Variants in NREP observed in about 807,000 individuals in gnomAD.
The protein encoded by NREP is neuronal regeneration-related protein.
A neutral mutation model predicts 8.6 loss-of-function variants in NREP; 5 were observed. The observed-to-expected ratio is 0.58, with a 90% confidence interval of 0.30 to 1.22. The LOEUF (loss-of-function observed/expected upper bound fraction) is 1.22. Ranked by LOEUF, NREP falls within the 50% of genes most tolerant of loss-of-function variation. The probability of loss-of-function intolerance (pLI) is 0.07; values close to 1 mark genes in which losing one functional copy is unlikely to be tolerated. For synonymous variants in NREP, 27 were observed against 28.0 expected, an observed-to-expected ratio of 0.96 and a Z score of 0.11; for missense variants, 86 against 82.5, an observed-to-expected ratio of 1.04 and a Z score of -0.17.
At chr5:111,766,495 G>C (rs372649314) in intron 2 of NREP, among the ~76,000 whole-genome samples, 394 of 152,276 alleles carry the variant, frequency 2.6e-3, no homozygotes, top group African/African-American at 8.9e-3. Context: ...AAAATCTTAT[G>C]GTTAGAGAAC....
chr5:111,896,309 G>A (rs1428797440), intron 2 of NREP, among the ~76,000 whole-genome samples: 1 of 152,172 alleles, frequency 6.6e-6, no homozygotes, highest in Non-Finnish European at 1.5e-5. Flanking sequence ...TTTAACAATT[G>A]AGTGGATAGT....
intron 2 of NREP, among the ~76,000 whole-genome samples, chr5:111,964,873 A>AT (rs1430735595): frequency 1.2e-4 from 12 of 104,038 alleles, no homozygotes; most frequent in African/African-American, 1.5e-4. Flanking sequence ...AAAAAAAAAA[A>AT]AAAAAAAAAA....
intron 2 of NREP, chr5:111,940,235 A>C (rs1755793876): frequency 6.6e-6 from 1 of 152,100 alleles, no homozygotes; most frequent in African/African-American, 2.4e-5. Context: ...AATATACCTT[A>C]CCTGAAAAAA....
chr5:111,753,806 A>G (rs1380264916), intron 2 of NREP, among the ~76,000 whole-genome samples: 3 of 152,128 alleles, frequency 2.0e-5, no homozygotes, highest in East Asian at 1.9e-4. Context: ...AGTAATTCCA[A>G]TTTTAATCAA....
upstream of NREP, chr5:111,757,540 G>A (rs966019020): frequency 9.1e-6 from 9 of 984,766 alleles, no homozygotes; most frequent in Non-Finnish European, 8.4e-6. Context: ...CTGTGCAGCC[G>A]CCTAGGAGCC....
intron 2 of NREP, among the ~76,000 whole-genome samples, chr5:111,814,515 A>G (rs1752341849): frequency 6.6e-6 from 1 of 152,072 alleles, no homozygotes; most frequent in Non-Finnish European, 1.5e-5. Flanking sequence ...CCCTCTTTTG[A>G]GAAACAGTAG....
intron 2 of NREP, among the ~76,000 whole-genome samples, chr5:111,952,393 T>C (rs1756186412): frequency 6.6e-6 from 1 of 152,176 alleles, no homozygotes; most frequent in Non-Finnish European, 1.5e-5. Context: ...TTCATCATGC[T>C]CTTTGATGGA....
intron 2 of NREP, among the ~76,000 whole-genome samples, chr5:111,964,852 C>A (rs147558247): frequency 2.1e-5 from 1 of 46,640 alleles, no homozygotes; most frequent in African/African-American, 1.0e-4. Context: ...ATGCTTTCAG[C>A]AGCAAAAAAA....
intron 2 of NREP, among the ~76,000 whole-genome samples, chr5:111,973,122 G>A (rs957870813): frequency 2.0e-5 from 3 of 152,136 alleles, no homozygotes; most frequent in Non-Finnish European, 4.4e-5. Flanking sequence ...GAGCACAACA[G>A]GAAGAGGGAC....
intron 2 of NREP, among the ~76,000 whole-genome samples, chr5:111,881,977 A>T (rs1287632235): frequency 6.6e-6 from 1 of 152,248 alleles, no homozygotes; most frequent in Non-Finnish European, 1.5e-5. Flanking sequence ...AAAGCTGGAC[A>T]GAGAATGACT....
intron 3 of NREP, chr5:111,734,603 C>A: frequency 1.9e-6 from 1 of 513,934 alleles, no homozygotes; most frequent in Non-Finnish European, 3.5e-6. Flanking sequence ...ATTGTTGATA[C>A]TATTTAGTGT....
chr5:111,809,749 A>C (rs1299597618), intron 2 of NREP, among the ~76,000 whole-genome samples: 1 of 152,154 alleles, frequency 6.6e-6, no homozygotes, highest in African/African-American at 2.4e-5. Context: ...CTTTTTTTAA[A>C]ATAAATTACC....
intron 2 of NREP, among the ~76,000 whole-genome samples, chr5:111,801,893 G>A (rs780584031): frequency 2.0e-5 from 3 of 151,964 alleles, no homozygotes; most frequent in Non-Finnish European, 4.4e-5. Flanking sequence ...TATTTTTATC[G>A]GCACATTTTC....
At chr5:111,799,494 A>G (rs910415127) in intron 2 of NREP, among the ~76,000 whole-genome samples, 2 of 152,226 alleles carry the variant, frequency 1.3e-5, no homozygotes, top group African/African-American at 2.4e-5. Context: ...TTGCCCTAGG[A>G]TAATTAATCC....
intron 2 of NREP, among the ~76,000 whole-genome samples, chr5:111,826,087 G>A (rs1309706305): frequency 1.3e-5 from 2 of 152,080 alleles, no homozygotes. Context: ...CCAGTGAGAG[G>A]TGAAGCCACC....
intron 2 of NREP, among the ~76,000 whole-genome samples, chr5:111,784,615 T>G (rs2112886821): frequency 6.6e-6 from 1 of 152,306 alleles, no homozygotes; most frequent in Non-Finnish European, 1.5e-5. Flanking sequence ...AAATATTATT[T>G]CAAACATATT....
intron 2 of NREP, among the ~76,000 whole-genome samples, chr5:111,744,988 A>G (rs1409557982): frequency 1.3e-5 from 2 of 152,124 alleles, no homozygotes; most frequent in African/African-American, 2.4e-5. Flanking sequence ...TGAGCAATAA[A>G]CAGGAGTAGT....
chr5:111,892,150 A>G (rs1754409733), intron 2 of NREP, among the ~76,000 whole-genome samples: 1 of 152,218 alleles, frequency 6.6e-6, no homozygotes, highest in Non-Finnish European at 1.5e-5. Context: ...AATAGTGCAT[A>G]TTATAAAAGA....
At chr5:111,795,322 T>A (rs773353560) in intron 2 of NREP, among the ~76,000 whole-genome samples, 20 of 152,190 alleles carry the variant, frequency 1.3e-4, no homozygotes, top group Non-Finnish European at 2.4e-4. Flanking sequence ...GTAGGAAACT[T>A]CAAGATGATT....
Sources: allele counts gnomAD v4.1 joint callset (sites outside exome capture counted in the v4.1 genomes callset), GRCh38; gene constraint gnomAD v4.1.1; transcripts MANE v1.5; gene names NCBI Gene and HGNC (gene_info 2026-07-23, HGNC 2026-07-21).